SLIT3: variants seen among roughly 807,000 people sequenced by gnomAD.
The protein encoded by SLIT3 is slit guidance ligand 3.
Under a neutral mutation model 184.0 loss-of-function variants are expected in SLIT3, and 68 were observed. The observed-to-expected ratio is 0.37, with a 90% CI of 0.30 to 0.45. SLIT3 has a LOEUF of 0.45. SLIT3 is among the 20% of genes least tolerant of loss of function. The probability of loss-of-function intolerance (pLI) is 1.00; values close to 1 mark genes in which losing one functional copy is unlikely to be tolerated. For missense variants in SLIT3, 1,707 were observed against 2,026.0 expected, an observed-to-expected ratio of 0.84 and a Z score of 3.02; for synonymous variants, 831 against 828.6, an observed-to-expected ratio of 1.00 and a Z score of -0.05.
chr5:168,797,694 G>A (rs1297947736), intron 9 of SLIT3, among the ~76,000 whole-genome samples: 1 of 152,134 alleles, frequency 6.6e-6, no homozygotes, highest in African/African-American at 2.4e-5. Flanking sequence ...TAAACATCAA[G>A]AGCCATCATT....
chr5:168,739,173 C>A (rs549185379), intron 20 of SLIT3, among the ~76,000 whole-genome samples: 1 of 152,120 alleles, frequency 6.6e-6, no homozygotes, highest in East Asian at 1.9e-4. Flanking sequence ...ACTCAGTGAA[C>A]CGATATTTTT....
intron 8 of SLIT3, among the ~76,000 whole-genome samples, chr5:168,808,529 G>A (rs755749402): frequency 5.9e-5 from 9 of 152,138 alleles, no homozygotes; most frequent in African/African-American, 1.4e-4. Flanking sequence ...TAGAATACAC[G>A]GCACAGGGTA....
intron 4 of SLIT3, among the ~76,000 whole-genome samples, chr5:168,939,049 C>T (rs977358620): frequency 2.8e-4 from 42 of 152,120 alleles, no homozygotes; most frequent in Non-Finnish European, 2.5e-4. Context: ...ATCTCATCAC[C>T]GGGTACATAA....
intron 4 of SLIT3, among the ~76,000 whole-genome samples, chr5:169,142,004 C>T (rs1294490448): frequency 2.7e-5 from 4 of 150,764 alleles, no homozygotes; most frequent in South Asian, 2.1e-4. Flanking sequence ...GAGCCAAGAT[C>T]GCACCAGTGC....
chr5:168,835,809 T>C (rs1758033161), intron 6 of SLIT3, among the ~76,000 whole-genome samples: 1 of 100,270 alleles, frequency 1.0e-5, no homozygotes, highest in African/African-American at 8.6e-5. Context: ...AGACTCCATC[T>C]CAAAAAAAAA....
intron 4 of SLIT3, among the ~76,000 whole-genome samples, chr5:169,145,004 C>T (rs982407863): frequency 4.6e-5 from 7 of 152,092 alleles, no homozygotes; most frequent in Non-Finnish European, 2.9e-5. Flanking sequence ...TAATTACCGC[C>T]GTTTTAAACC....
intron 13 of SLIT3, 137 bp from the exon 14 acceptor site, chr5:168,773,081 G>A (rs777530853): frequency 2.3e-6 from 2 of 861,640 alleles, no homozygotes; most frequent in East Asian, 2.7e-5. Flanking sequence ...GAAGCCTTAG[G>A]GGGTGCTACT....
At chr5:169,050,361 A>T (rs958004555) in intron 4 of SLIT3, among the ~76,000 whole-genome samples, 2 of 152,172 alleles carry the variant, frequency 1.3e-5, no homozygotes, top group African/African-American at 2.4e-5. Flanking sequence ...ACAAAATCTC[A>T]TCTCACTTCC....
At chr5:169,023,266 G>C (rs569941477) in intron 4 of SLIT3, among the ~76,000 whole-genome samples, 3 of 152,168 alleles carry the variant, frequency 2.0e-5, no homozygotes, top group African/African-American at 7.2e-5. Context: ...GTGCTGCTAT[G>C]CAGAGGAGTG....
intron 23 of SLIT3, among the ~76,000 whole-genome samples, chr5:168,714,746 A>G (rs955586429): frequency 1.3e-5 from 2 of 152,088 alleles, no homozygotes; most frequent in Non-Finnish European, 2.9e-5. Flanking sequence ...GAAGTGGGAG[A>G]ATGAGTGCTC....
At chr5:169,201,907 A>G (rs1170454272) in intron 3 of SLIT3, among the ~76,000 whole-genome samples, 2 of 152,226 alleles carry the variant, frequency 1.3e-5, no homozygotes, top group Non-Finnish European at 2.9e-5. Flanking sequence ...TATCTTAACC[A>G]CCAGTATGCC....
At chr5:169,230,904 G>A (rs889958796) in intron 3 of SLIT3, among the ~76,000 whole-genome samples, 1 of 152,028 alleles carries the variant, frequency 6.6e-6, no homozygotes, top group African/African-American at 2.4e-5. Context: ...TTACAGAAAA[G>A]GATAAATATA....
intron 20 of SLIT3, among the ~76,000 whole-genome samples, chr5:168,731,826 A>G (rs1763298061): frequency 6.6e-6 from 1 of 152,110 alleles, no homozygotes; most frequent in South Asian, 2.1e-4. Context: ...ATATACAACA[A>G]ACCCACAGCC....
intron 4 of SLIT3, among the ~76,000 whole-genome samples, chr5:168,973,977 G>A (rs547272067): frequency 1.4e-4 from 22 of 152,270 alleles, no homozygotes; most frequent in Admixed American, 1.0e-3. Flanking sequence ...TGAAAAATAC[G>A]GGTAACTAGA....
chr5:169,279,467 C>G (rs1331304117), intron 1 of SLIT3, among the ~76,000 whole-genome samples: 1 of 152,112 alleles, frequency 6.6e-6, no homozygotes, highest in Admixed American at 6.6e-5. Context: ...TGTATGCATA[C>G]ATACAGAAAA....
chr5:169,061,087 G>T (rs1758160118), intron 4 of SLIT3, among the ~76,000 whole-genome samples: 1 of 152,180 alleles, frequency 6.6e-6, no homozygotes, highest in Non-Finnish European at 1.5e-5. Context: ...GATGCTGTGG[G>T]TGTTCAATTA....
intron 4 of SLIT3, among the ~76,000 whole-genome samples, chr5:169,133,153 G>A (rs776122677): frequency 2.6e-5 from 4 of 152,036 alleles, no homozygotes; most frequent in South Asian, 2.1e-4. Context: ...TATCCAAGTC[G>A]AGATATTATA....
chr5:168,791,976 GTA>G (rs1460028994), intron 10 of SLIT3: 1 of 152,164 alleles, frequency 6.6e-6, no homozygotes. Context: ...TAGATTCCAT[GTA>G]TAAGTGAGAA....
At chr5:169,291,296 G>A (rs749460862) in intron 1 of SLIT3, among the ~76,000 whole-genome samples, 5 of 152,124 alleles carry the variant, frequency 3.3e-5, no homozygotes, top group Admixed American at 2.0e-4. Flanking sequence ...TGCTTGAGGC[G>A]GAAAATATTA....
Sources: gnomAD v4.1 joint callset for allele counts (sites outside exome capture counted in the v4.1 genomes callset) on GRCh38, gnomAD v4.1.1 for gene constraint, MANE v1.5 for transcripts, NCBI Gene and HGNC (gene_info 2026-07-23, HGNC 2026-07-21) for gene names.